The following WNT3A variants were observed in gnomAD, a reference collection of about 807,000 sequenced individuals.
WNT3A encodes protein Wnt-3a.
A neutral mutation model predicts 37.0 loss-of-function variants in WNT3A; 17 were observed. That is an observed-to-expected ratio of 0.46 (90% CI 0.31 to 0.69). WNT3A has a LOEUF of 0.69. Ranked by LOEUF, WNT3A falls within the 30% of genes least tolerant of loss-of-function variation. The pLI, the probability that WNT3A is intolerant of heterozygous loss-of-function variation, is 0.05. For synonymous variants in WNT3A, 187 were observed against 211.0 expected (o/e 0.89, Z 0.99); for missense variants, 411 against 510.2 (o/e 0.81, Z 1.87).
At chr1:228,017,733 AT>A (rs2030574373) in intron 1 of WNT3A, among the ~76,000 whole-genome samples, 1 of 152,124 alleles carries the variant, frequency 6.6e-6, no homozygotes, top group Non-Finnish European at 1.5e-5. Flanking sequence ...TTAACAAATA[AT>A]AAAGGCCATG....
rs2124822459 is a variant in WNT3A, at chr1:228,060,280, G to T, written c.*815G>T. On this transcript the variant is annotated 3_prime_UTR_variant, in exon 4 of 4. Transcript: ENST00000284523. ...CCCCTGTAAGGTTCCATCCACCCCT[G>T]CGTCGAGCTGGGAAGGTTCCATGAA... 7.4e-7 allele frequency: 1 copy of T among 1,351,576 alleles called. No homozygotes were observed. The allele number at this position is 1,351,576 out of a possible 1,614,324, so 83.7% of individuals were successfully genotyped here.
intron 3 of WNT3A, among the ~76,000 whole-genome samples, chr1:228,053,210 A>G (rs1412184780): frequency 1.3e-5 from 2 of 152,220 alleles, no homozygotes; most frequent in Admixed American, 1.3e-4. Context: ...AAACCATGAA[A>G]GAATACATTT....
chr1:228,043,001 T>C (rs754573991), intron 2 of WNT3A, among the ~76,000 whole-genome samples: 6 of 148,812 alleles, frequency 4.0e-5, no homozygotes, highest in Non-Finnish European at 7.4e-5. Flanking sequence ...GGATGTATGA[T>C]AGGTAATGGA....
chr1:228,024,823 G>T (rs2030813580), intron 2 of WNT3A, among the ~76,000 whole-genome samples: 1 of 152,194 alleles, frequency 6.6e-6, no homozygotes, highest in African/African-American at 2.4e-5. Context: ...TATATGGTAT[G>T]AGGTAGGAAT....
intron 1 of WNT3A, among the ~76,000 whole-genome samples, chr1:228,018,870 G>C (rs755593685): frequency 2.2e-4 from 33 of 152,180 alleles, no homozygotes; most frequent in Non-Finnish European, 3.7e-4. Context: ...AGGCCTTCTG[G>C]TGGCCTGGTG....
rs577642065 is a variant in WNT3A, at chr1:228,011,617, C to G, written c.71+4418C>G. Among the ~76,000 whole-genome samples, 127 of 152,338 alleles carry G rather than the reference C, an allele frequency of 8.3e-4. 1 individual carries two copies. Among genetic ancestry groups the G allele is most frequent in the Non-Finnish European group, 1.5e-3 (103 of 68,034 alleles). On this transcript the variant is annotated intron_variant, in intron 1 of 3. Coordinates refer to ENST00000284523, the MANE Select transcript of WNT3A (RefSeq NM_033131.4). The stretch of plus-strand genomic sequence containing the variant: ...CTCTTTCAGTCTTTGTCCTGTCTCT[C>G]TCTGCCTGTTTCTGTCACTCTATCT...
Position 228,061,100 on chromosome 1 carries a change from C to T in WNT3A, c.*1635C>T, listed in dbSNP as rs1161720476. On this transcript the variant is annotated 3_prime_UTR_variant, in exon 4 of 4. Coordinates refer to ENST00000284523, the MANE Select transcript of WNT3A (RefSeq NM_033131.4). ...CATGGCCAGCGCCCCTCAGCCTCTGCCACTGTGAACCGGCTCCCACCCTCA... is the reference window on the plus strand; with the variant it reads ...CATGGCCAGCGCCCCTCAGCCTCTGTCACTGTGAACCGGCTCCCACCCTCA... The T allele has an allele frequency of 6.5e-6, 1 of 152,720 alleles. No individual in the cohort carries two copies. Among genetic ancestry groups the T allele is most frequent in the Non-Finnish European group, 1.5e-5 (1 of 68,090 alleles). The allele number at this position is 152,720 out of a possible 1,614,324, so 9.5% of individuals were successfully genotyped here.
chr1:228,024,070 G>A (rs139992174), intron 2 of WNT3A, among the ~76,000 whole-genome samples: 322 of 152,330 alleles, frequency 2.1e-3, no homozygotes, highest in African/African-American at 7.4e-3. Context: ...GCATATGAGC[G>A]TGGTCTCCAC....
In WNT3A at chr1:228,037,564, G is replaced by T. The variant is rs1021016433; in HGVS notation, c.314-13092G>T. Among the ~76,000 whole-genome samples, 2 of 152,164 alleles carry T rather than the reference G, an allele frequency of 1.3e-5. No homozygotes were observed. Among genetic ancestry groups the T allele is most frequent in the African/African-American group, 4.8e-5 (2 of 41,438 alleles). ...CACAGGGGTGGGGCCTGCCTGCTAG[G>T]ACATGGGGACACACAGGGCAGCTCT... is the stretch of plus-strand genomic sequence containing the variant. On this transcript the variant is annotated intron_variant, in intron 2 of 3. Transcript: ENST00000284523. The surrounding 1 kb of genome is among the most constrained non-coding windows in gnomAD (Gnocchi z 4.1).
At chr1:228,051,880 G>C (rs1006915364) in intron 3 of WNT3A, among the ~76,000 whole-genome samples, 3 of 152,106 alleles carry the variant, frequency 2.0e-5, no homozygotes, top group Non-Finnish European at 2.9e-5. Flanking sequence ...AAGACAGAGT[G>C]GGGGAGAGGT....
intron 3 of WNT3A, among the ~76,000 whole-genome samples, chr1:228,051,202 G>A (rs1252946122): frequency 2.0e-5 from 3 of 152,212 alleles, no homozygotes; most frequent in Non-Finnish European, 4.4e-5. Context: ...AGCCCAGGGA[G>A]GGAGACAGCC....
At chr1:228,033,738 C>T (rs548282879) in intron 2 of WNT3A, among the ~76,000 whole-genome samples, 4 of 148,468 alleles carry the variant, frequency 2.7e-5, no homozygotes, top group Non-Finnish European at 6.0e-5. Flanking sequence ...ATGTGTAGAT[C>T]GGTTTGGGAA....
chr1:228,022,871 C>A lies in WNT3A; in HGVS notation c.276C>A (p.His92Gln). 1.2e-6 allele frequency: 2 copies of A among 1,612,760 alleles called. No individual in the cohort carries two copies. The highest frequency in any genetic ancestry group is 1.7e-6 in the Non-Finnish European group (2 of 1,179,032). Residue 92 changes from histidine to glutamine, a missense_variant, in exon 2 of 4, where the codon CAC becomes CAA. His to Gln is a conservative substitution (Grantham distance 24). Transcript: ENST00000284523. ...GCCGGTGGAACTGCACCACCGTCCA[C>A]GACAGCCTGGCCATCTTCGGGCCCG... ...RGRRWNCTTV[H>Q]DSLAIFGPVL...
chr1:228,022,856 C>G lies in WNT3A; in HGVS notation c.261C>G (p.Asn87Lys), dbSNP rs1558286437. Residue 87 changes from asparagine (N) to lysine (K), a missense_variant, in exon 2 of 4, where the codon AAC (asparagine) becomes AAG (lysine). Coordinates refer to ENST00000284523, the MANE Select transcript of WNT3A (RefSeq NM_033131.4). The part of the protein sequence containing the change: ...CQHQFRGRRW[N>K]CTTVHDSLAI... ...ACCAGTTCCGCGGCCGCCGGTGGAA[C>G]TGCACCACCGTCCACGACAGCCTGG... 6.2e-7 allele frequency: 1 copy of G among 1,613,960 alleles called. No individual in the cohort carries two copies. Among genetic ancestry groups the G allele is most frequent in the Non-Finnish European group, 8.5e-7 (1 of 1,179,980 alleles).
chr1:228,035,099 A>C (rs1162638277), intron 2 of WNT3A, among the ~76,000 whole-genome samples: 1 of 152,186 alleles, frequency 6.6e-6, no homozygotes, highest in African/African-American at 2.4e-5. Context: ...ACCTAAGGAC[A>C]ATGGTGCATG....
chr1:228,034,717 G>A (rs2031093704), intron 2 of WNT3A, among the ~76,000 whole-genome samples: 1 of 152,142 alleles, frequency 6.6e-6, no homozygotes, highest in Non-Finnish European at 1.5e-5. Context: ...ATCACATGGT[G>A]GCCTATCATC....
chr1:228,033,730 G>A (rs528534891), intron 2 of WNT3A, among the ~76,000 whole-genome samples: 5 of 152,168 alleles, frequency 3.3e-5, no homozygotes, highest in African/African-American at 4.8e-5. Context: ...TGTGTTGAAT[G>A]TGTAGATCGG....
rs1405486973 is a variant in WNT3A, at chr1:228,008,769, G to A, written c.71+1570G>A. Among the ~76,000 whole-genome samples the A allele has an allele frequency of 1.3e-5, 2 of 152,142 alleles. No individual in the cohort carries two copies. Among genetic ancestry groups the A allele is most frequent in the Admixed American group, 1.3e-4 (2 of 15,288 alleles). ...GCGCAAAAGGAAGCTCCTTCGCCCC[G>A]CGCCCTTCCCATAAATGTCGCCAGC... On this transcript the variant is annotated intron_variant, in intron 1 of 3. Transcript: ENST00000284523. This position sits in a 1 kb window ranked among gnomAD's most constrained non-coding sequence, Gnocchi z 4.9.
intron 1 of WNT3A, among the ~76,000 whole-genome samples, chr1:228,019,758 C>T (rs544053329): frequency 2.0e-5 from 3 of 152,382 alleles, no homozygotes; most frequent in East Asian, 1.9e-4. Flanking sequence ...TTTATGCTTA[C>T]GTCAGTCTGC....
Sources: allele counts gnomAD v4.1 joint callset (sites outside exome capture counted in the v4.1 genomes callset), GRCh38; gene constraint gnomAD v4.1.1; non-coding constraint Gnocchi (gnomAD v3.1); transcripts MANE v1.5; gene names NCBI Gene and HGNC (gene_info 2026-07-23, HGNC 2026-07-21).